GPHN: variants seen among roughly 807,000 people sequenced by gnomAD.
GPHN encodes gephyrin.
In GPHN, 17 loss-of-function variants were observed where a neutral mutation model predicts 95.5. The observed-to-expected ratio is 0.18, with a 90% CI of 0.12 to 0.27. The LOEUF (loss-of-function observed/expected upper bound fraction) is 0.27. GPHN is among the 10% of genes least tolerant of loss of function. The pLI, the probability that GPHN is intolerant of heterozygous loss-of-function variation, is 1.00. For synonymous variants in GPHN, 320 were observed against 322.5 expected (o/e 0.99, Z 0.08); for missense variants, 660 against 978.1 (o/e 0.67, Z 4.34).
the GPHN span, among the ~76,000 whole-genome samples, chr14:67,443,306 T>G: frequency 2.0e-5 from 3 of 152,160 alleles, no homozygotes; most frequent in Non-Finnish European, 4.4e-5. Flanking sequence ...GCATAAGACT[T>G]TTCTTCCAGC....
intron 10 of GPHN, among the ~76,000 whole-genome samples, chr14:67,049,646 G>T (rs1457505347): frequency 6.6e-6 from 1 of 151,834 alleles, no homozygotes; most frequent in East Asian, 1.9e-4. Context: ...CCGAGTAGCT[G>T]GGACTACAGG....
chr14:66,524,373 T>C (rs1205040503), intron 1 of GPHN, among the ~76,000 whole-genome samples: 1 of 152,104 alleles, frequency 6.6e-6, no homozygotes, highest in Admixed American at 6.6e-5. Context: ...GGGAAATAAA[T>C]ATTATGTATA....
In GPHN at chr14:67,022,056, T is replaced by C. The variant is rs117429315; in HGVS notation, c.964-1577T>C. On this transcript the variant is annotated intron_variant, in intron 9 of 22. Coordinates refer to ENST00000478722, the MANE Select transcript of GPHN (RefSeq NM_020806.5). Reference sequence around the variant, plus strand: ...CTTTGAATCACTTTTTGAAATGTAGTTTCTCTCTTTATTAAGCTTGTCTAT... The same window carrying C: ...CTTTGAATCACTTTTTGAAATGTAGCTTCTCTCTTTATTAAGCTTGTCTAT... Among the ~76,000 whole-genome samples, 645 of 152,192 alleles carry C rather than the reference T, an allele frequency of 4.2e-3. 8 individuals are homozygous for C. The highest frequency in any genetic ancestry group is 0.012 in the Admixed American group (189 of 15,276).
intron 1 of GPHN, among the ~76,000 whole-genome samples, chr14:66,513,837 T>C (rs549259826): frequency 4.4e-4 from 67 of 152,038 alleles, no homozygotes; most frequent in African/African-American, 1.5e-3. Context: ...AAATTGTTTT[T>C]AATAAATTAA....
At chr14:66,535,913 T>C (rs2059126265) in intron 1 of GPHN, among the ~76,000 whole-genome samples, 1 of 152,152 alleles carries the variant, frequency 6.6e-6, no homozygotes, top group African/African-American at 2.4e-5. Context: ...TTTACTTATT[T>C]CTTTCCAGTC....
chr14:66,801,224 G>C (rs2060336038), intron 3 of GPHN, among the ~76,000 whole-genome samples: 1 of 151,992 alleles, frequency 6.6e-6, no homozygotes, highest in Non-Finnish European at 1.5e-5. Context: ...ATGTGGTGAG[G>C]TCATGTTTTC....
At chr14:67,366,499 C>T in the GPHN span, among the ~76,000 whole-genome samples, 1 of 152,174 alleles carries the variant, frequency 6.6e-6, no homozygotes, top group Non-Finnish European at 1.5e-5. Context: ...ATTTCCATAG[C>T]ATTTGTTTGT....
chr14:66,719,611 T>A (rs1007314983), intron 2 of GPHN, among the ~76,000 whole-genome samples: 5 of 152,160 alleles, frequency 3.3e-5, no homozygotes, highest in African/African-American at 1.2e-4. Context: ...CTCCACACGC[T>A]GCTCTGTTCA....
At chr14:66,744,897 G>C (rs2058080025) in intron 2 of GPHN, among the ~76,000 whole-genome samples, 1 of 152,004 alleles carries the variant, frequency 6.6e-6, no homozygotes, top group African/African-American at 2.4e-5. Flanking sequence ...ATACCAAGTT[G>C]TATTTGACAT....
the GPHN span, chr14:67,542,087 T>C: frequency 5.9e-6 from 7 of 1,183,794 alleles, no homozygotes; most frequent in Non-Finnish European, 8.0e-6. Flanking sequence ...GAAAGTCAAC[T>C]TTCAGTAAGA....
the GPHN span, among the ~76,000 whole-genome samples, chr14:67,372,956 T>G: frequency 6.6e-6 from 1 of 152,212 alleles, no homozygotes; most frequent in African/African-American, 2.4e-5. Context: ...TGAAAAGATG[T>G]TGAACATCAT....
chr14:66,702,617 A>G (rs1480303067), intron 2 of GPHN, among the ~76,000 whole-genome samples: 1 of 152,170 alleles, frequency 6.6e-6, no homozygotes, highest in Non-Finnish European at 1.5e-5. Flanking sequence ...ATCGACAACA[A>G]CAACAAAAAG....
chr14:67,276,884 C>T, the GPHN span, among the ~76,000 whole-genome samples: 3 of 152,240 alleles, frequency 2.0e-5, no homozygotes, highest in South Asian at 6.2e-4. Flanking sequence ...TGAATATGGA[C>T]ACAGATGTAG....
intron 2 of GPHN, among the ~76,000 whole-genome samples, chr14:66,712,773 G>A (rs111519206): frequency 1.3e-5 from 2 of 152,178 alleles, no homozygotes; most frequent in African/African-American, 4.8e-5. Flanking sequence ...CAGTGTAGAA[G>A]TGTCCTCTGA....
chr14:66,946,224 G>T (rs528678112), intron 8 of GPHN, among the ~76,000 whole-genome samples: 80 of 152,128 alleles, frequency 5.3e-4, no homozygotes, highest in African/African-American at 1.6e-3. Context: ...GTTCTTTGGG[G>T]TTTTTTCCTT....
rs1206769307 is a variant in GPHN, at chr14:67,065,891, A to T, written c.1144+7105A>T. On this transcript the variant is annotated intron_variant, in intron 11 of 22. Coordinates refer to ENST00000478722, the MANE Select transcript of GPHN (RefSeq NM_020806.5). Reference sequence around the variant, plus strand: ...TTGATGGGGCTTGACTCTTTATCCAATTTGCCAGTCTGTGTCTTTTAATTG... The same window carrying T: ...TTGATGGGGCTTGACTCTTTATCCATTTTGCCAGTCTGTGTCTTTTAATTG... 2.6e-5 allele frequency among the ~76,000 whole-genome samples: 4 copies of T among 151,786 alleles called. No homozygotes were observed. The East Asian group carries it at 7.7e-4, about 29-fold the overall frequency.
intron 9 of GPHN, among the ~76,000 whole-genome samples, chr14:66,989,396 G>A (rs775418377): frequency 2.6e-5 from 4 of 151,914 alleles, no homozygotes; most frequent in Non-Finnish European, 5.9e-5. Flanking sequence ...CAATGAAACT[G>A]AGACCAAAAA....
intron 9 of GPHN, among the ~76,000 whole-genome samples, chr14:66,983,535 G>A (rs1310664294): frequency 6.6e-6 from 1 of 152,032 alleles, no homozygotes; most frequent in Admixed American, 6.5e-5. Flanking sequence ...AACTTGAATT[G>A]TAGCCATTTC....
At chr14:67,641,177 A>C in the GPHN span, among the ~76,000 whole-genome samples, 1 of 152,152 alleles carries the variant, frequency 6.6e-6, no homozygotes, top group Non-Finnish European at 1.5e-5. Flanking sequence ...TTTCATGCAC[A>C]AGATGATTTA....
Sources: allele counts gnomAD v4.1 joint callset (sites outside exome capture counted in the v4.1 genomes callset), GRCh38; gene constraint gnomAD v4.1.1; transcripts MANE v1.5; gene names NCBI Gene and HGNC (gene_info 2026-07-23, HGNC 2026-07-21).